The following HMCN1 variants were observed in gnomAD, a reference collection of about 807,000 sequenced individuals.
HMCN1 encodes hemicentin 1, also known as hemicentin-1.
Under a neutral mutation model 625.9 loss-of-function variants are expected in HMCN1, and 321 were observed. That is an observed-to-expected ratio of 0.51 (90% CI 0.47 to 0.56). The LOEUF is 0.56. Ranked by LOEUF, HMCN1 falls within the 20% of genes least tolerant of loss-of-function variation. The pLI, the probability that HMCN1 is intolerant of heterozygous loss-of-function variation, is 0.00. For missense variants in HMCN1, 6,588 were observed against 6,887.3 expected, an observed-to-expected ratio of 0.96 and a Z score of 1.54; for synonymous variants, 2,425 against 2,417.6, an observed-to-expected ratio of 1.00 and a Z score of -0.09.
intron 72 of HMCN1, 114 bp from the exon 73 acceptor site, chr1:186,113,865 T>C: frequency 8.8e-7 from 1 of 1,140,792 alleles, no homozygotes; most frequent in South Asian, 1.2e-5. Context: ...TAGATTCTTG[T>C]AGACAAAGCT....
intron 22 of HMCN1, among the ~76,000 whole-genome samples, chr1:185,992,962 A>C (rs1458302338): frequency 6.6e-6 from 1 of 152,164 alleles, no homozygotes; most frequent in African/African-American, 2.4e-5. Flanking sequence ...GACCATTAAG[A>C]TTTAAAAGTA....
chr1:185,885,783 A>G (rs1664607390), intron 4 of HMCN1, among the ~76,000 whole-genome samples: 1 of 152,062 alleles, frequency 6.6e-6, no homozygotes, highest in East Asian at 1.9e-4. Flanking sequence ...AAGGAGGGAT[A>G]GTGGCCAGTC....
In HMCN1 at chr1:185,933,582, T is replaced by G. The variant is rs747369636; in HGVS notation, c.1586T>G (p.Val529Gly). 6.2e-7 allele frequency: 1 copy of G among 1,613,984 alleles called. No individual in the cohort carries two copies. The highest frequency in any genetic ancestry group is 1.1e-5 in the South Asian group (1 of 91,082). ...PPPVIQVPNN[V>G]TVTPGERAVL... is the part of the protein sequence containing the mutation. ...CCGGTCATCCAAGTGCCTAACAATG[T>G]TACAGTCACTCCTGGAGAGAGAGCA... The change falls in exon 11 of 107, where the codon GTT becomes GGT. Residue 529 changes from valine to glycine, a missense_variant. This residue lies in a region of HMCN1 where 4,628 missense variants were observed against 4,853.1 expected (regional missense o/e 0.95). Coordinates refer to ENST00000271588, the MANE Select transcript of HMCN1 (RefSeq NM_031935.3).
chr1:185,930,415 A>C (rs1475252086), intron 10 of HMCN1, among the ~76,000 whole-genome samples: 7 of 152,180 alleles, frequency 4.6e-5, no homozygotes, highest in Non-Finnish European at 1.5e-5. Flanking sequence ...GTCCCAGCTC[A>C]GCCACCCCAC....
chr1:185,870,217 G>A (rs1215852334), intron 4 of HMCN1, among the ~76,000 whole-genome samples: 1 of 152,038 alleles, frequency 6.6e-6, no homozygotes, highest in Non-Finnish European at 1.5e-5. Flanking sequence ...ATTCACCTTT[G>A]AATACAGACA....
Position 186,110,896 on chromosome 1 carries a change from C to T in HMCN1, c.10990-1916C>T, listed in dbSNP as rs369149735. Among the ~76,000 whole-genome samples the T allele has an allele frequency of 1.1e-4, 17 of 149,118 alleles. 1 individual carries two copies. In the East Asian group the frequency reaches 1.4e-3, roughly 12 times the overall value. On this transcript the variant is annotated intron_variant, in intron 71 of 106. Transcript: ENST00000271588. ...GTGGAACAGGAAGTGAGATTATCAGCTAAGAATGAGGTTCTATCAGGAGAC... is the reference window on the plus strand; with the variant it reads ...GTGGAACAGGAAGTGAGATTATCAGTTAAGAATGAGGTTCTATCAGGAGAC...
At position 186,007,172 on chromosome 1, in the gene HMCN1, G is replaced by C. The variant is rs766449783; in HGVS notation, c.4520G>C (p.Gly1507Ala). The change falls in exon 30 of 107, where the codon GGA becomes GCA. Residue 1507 changes from glycine to alanine, a missense_variant. Physicochemically the swap from Gly to Ala is moderately conservative, Grantham distance 60. Coordinates refer to ENST00000271588, the MANE Select transcript of HMCN1 (RefSeq NM_031935.3). The stretch of plus-strand genomic sequence containing the variant: ...CCTAATGTTGAACTTCTAGACAGAG[G>C]ACAAGTCTTACATTTAAAGAATGCA... ...GDPNVELLDR[G>A]QVLHLKNARR... 2.5e-5 allele frequency: 41 copies of C among 1,613,036 alleles called. No homozygotes were observed. Among genetic ancestry groups the C allele is most frequent in the Non-Finnish European group, 3.4e-5 (40 of 1,179,298 alleles).
chr1:186,114,877 G>C lies in HMCN1; in HGVS notation c.11335G>C (p.Gly3779Arg). 6.2e-7 allele frequency: 1 copy of C among 1,614,104 alleles called. No homozygotes were observed. The highest frequency in any genetic ancestry group is 8.5e-7 in the Non-Finnish European group (1 of 1,179,960). ...HIQSAHVTDT[G>R]RYLCMATNAA... ...TCAATCAGCACATGTCACTGACACT[G>C]GACGGTATTTGTGTATGGCCACCAA... is the stretch of plus-strand genomic sequence containing the variant. The change falls in exon 74 of 107, where the codon GGA (glycine) becomes CGA (arginine). Residue 3779 changes from glycine (G) to arginine (R), a missense_variant. Transcript: ENST00000271588.
At chr1:185,757,907 A>G (rs1483633102) in intron 1 of HMCN1, among the ~76,000 whole-genome samples, 2 of 152,176 alleles carry the variant, frequency 1.3e-5, no homozygotes, top group African/African-American at 4.8e-5. Flanking sequence ...TTGGTTATTC[A>G]TAGATACTCT....
intron 1 of HMCN1, among the ~76,000 whole-genome samples, chr1:185,762,157 T>C (rs1434976049): frequency 6.6e-6 from 1 of 152,202 alleles, no homozygotes; most frequent in Non-Finnish European, 1.5e-5. Context: ...AGACTTACAC[T>C]CTAGCCTACA....
At chr1:186,088,478 A>T (rs2102404881) in intron 62 of HMCN1, 128 bp from the exon 63 acceptor site, 2 of 1,377,662 alleles carry the variant, frequency 1.5e-6, no homozygotes, top group Middle Eastern at 2.4e-4. Context: ...TTCTTTTTTA[A>T]AAAAGAAAAT....
chr1:185,974,899 T>G (rs529171669), intron 15 of HMCN1, among the ~76,000 whole-genome samples: 2 of 152,262 alleles, frequency 1.3e-5, no homozygotes, highest in East Asian at 3.9e-4. Flanking sequence ...GAGGTTTGTT[T>G]ATCCTTTTTA....
At chr1:185,852,840 T>C (rs1180721929) in intron 2 of HMCN1, among the ~76,000 whole-genome samples, 1 of 152,106 alleles carries the variant, frequency 6.6e-6, no homozygotes, top group Non-Finnish European at 1.5e-5. Context: ...TTTTGGAATA[T>C]GTGCCTTGCA....
chr1:186,069,330 T>A (rs1286116651), intron 50 of HMCN1, among the ~76,000 whole-genome samples: 1 of 152,146 alleles, frequency 6.6e-6, no homozygotes, highest in Admixed American at 6.6e-5. Context: ...GCTAGGTAGA[T>A]AAGACGAAAA....
chr1:185,946,500 C>G (rs1324736282), intron 11 of HMCN1, among the ~76,000 whole-genome samples: 2 of 152,142 alleles, frequency 1.3e-5, no homozygotes, highest in Non-Finnish European at 2.9e-5. Context: ...AATGGGAAGG[C>G]AAGTCTAAAC....
chr1:186,151,541 C>G, intron 94 of HMCN1, 65 bp from the exon 95 acceptor site: 1 of 1,472,020 alleles, frequency 6.8e-7, no homozygotes, highest in Non-Finnish European at 9.5e-7. Flanking sequence ...GAATAATATG[C>G]TATGAAGACA....
In HMCN1 at chr1:186,053,939, C is replaced by T. The variant is rs772742072; in HGVS notation, c.6815C>T (p.Ser2272Leu). 9.3e-6 allele frequency: 15 copies of T among 1,612,496 alleles called. No homozygotes were observed. The highest frequency in any genetic ancestry group is 5.3e-5 in the African/African-American group (4 of 74,798). ...GCAGCACTCTATTCATGTGTGGCGT[C>T]GAATGTTGCTGGGACTGCAAAGAAA... The part of the protein sequence containing the change: ...SDAALYSCVA[S>L]NVAGTAKKEY... The change falls in exon 44 of 107, where the codon TCG becomes TTG. Residue 2272 changes from serine to leucine, a missense_variant. Physicochemically the swap from Ser to Leu is moderately radical, Grantham distance 145. Coordinates refer to ENST00000271588, the MANE Select transcript of HMCN1 (RefSeq NM_031935.3).
chr1:186,121,520 T>C (rs2102491692), intron 80 of HMCN1, among the ~76,000 whole-genome samples: 1 of 152,254 alleles, frequency 6.6e-6, no homozygotes, highest in South Asian at 2.1e-4. Flanking sequence ...AGAAAATTAG[T>C]GAAGCTTCCT....
At chr1:185,746,414 G>C (rs921724465) in intron 1 of HMCN1, among the ~76,000 whole-genome samples, 1 of 152,108 alleles carries the variant, frequency 6.6e-6, no homozygotes, top group Non-Finnish European at 1.5e-5. Flanking sequence ...CTAGAGGCTG[G>C]AAGTGCAAAA....
Sources: allele counts gnomAD v4.1 joint callset (sites outside exome capture counted in the v4.1 genomes callset), GRCh38; gene constraint gnomAD v4.1.1; regional missense constraint gnomAD v4.1.1; transcripts MANE v1.5; gene names NCBI Gene and HGNC (gene_info 2026-07-23, HGNC 2026-07-21).